The following PARD3 variants were observed in gnomAD, a reference collection of about 807,000 sequenced individuals.
PARD3 encodes partitioning defective 3 homolog.
Under a neutral mutation model 155.4 loss-of-function variants are expected in PARD3, and 75 were observed. The ratio of observed to expected loss-of-function variants is 0.48; its 90% confidence interval spans 0.40 to 0.58. The LOEUF is 0.58. Ranked by LOEUF, PARD3 falls within the 20% of genes least tolerant of loss-of-function variation. PARD3 has a pLI of 0.00. For missense variants in PARD3, 1,642 were observed against 1,721.7 expected, an observed-to-expected ratio of 0.95 and a Z score of 0.82; for synonymous variants, 576 against 610.5, an observed-to-expected ratio of 0.94 and a Z score of 0.83.
At chr10:34,517,241 C>A in intron 2 of PARD3, 82 bp from the exon 3 acceptor site, 1 of 1,280,796 alleles carries the variant, frequency 7.8e-7, no homozygotes, top group Non-Finnish European at 1.1e-6. Flanking sequence ...TGACATAATT[C>A]TACAGTGCAA....
intron 23 of PARD3, 76 bp from the exon 24 acceptor site, chr10:34,119,816 GATT>G (rs1946887884): frequency 4.6e-6 from 6 of 1,292,954 alleles, no homozygotes; most frequent in South Asian, 1.9e-5. Flanking sequence ...ACTCCATTTC[GATT>G]CTTATGAATT....
chr10:34,733,682 G>C (rs2094858876), intron 1 of PARD3, among the ~76,000 whole-genome samples: 1 of 152,070 alleles, frequency 6.6e-6, no homozygotes, highest in African/African-American at 2.4e-5. Flanking sequence ...CGGGGTTTGA[G>C]ATCTGTGGGG....
chr10:34,749,554 TTAAATCC>T (rs1261648278), intron 1 of PARD3, among the ~76,000 whole-genome samples: 2 of 151,988 alleles, frequency 1.3e-5, no homozygotes, highest in Non-Finnish European at 2.9e-5. Flanking sequence ...AATGTTAAGT[TTAAATCC>T]CTAGGAAATA....
chr10:34,779,343 C>A (rs1221888141), intron 1 of PARD3, among the ~76,000 whole-genome samples: 1 of 151,248 alleles, frequency 6.6e-6, no homozygotes, highest in African/African-American at 2.4e-5. Context: ...GGCGCGGTGG[C>A]TCACGCCTGT....
chr10:34,395,287 G>C (rs946073719), intron 7 of PARD3, among the ~76,000 whole-genome samples: 1 of 152,054 alleles, frequency 6.6e-6, no homozygotes, highest in African/African-American at 2.4e-5. Context: ...CACCTGCCTA[G>C]ACCTCCCAAA....
At chr10:34,390,593 C>T (rs925791374) in intron 7 of PARD3, among the ~76,000 whole-genome samples, 6 of 152,110 alleles carry the variant, frequency 3.9e-5, no homozygotes, top group Admixed American at 1.3e-4. Context: ...GGCCACACTA[C>T]GTAAAAAATA....
chr10:34,682,923 T>C (rs1286102333), intron 2 of PARD3, among the ~76,000 whole-genome samples: 1 of 152,164 alleles, frequency 6.6e-6, no homozygotes, highest in Non-Finnish European at 1.5e-5. Flanking sequence ...ATTAAAAGAA[T>C]GAAGAGCCTA....
At chr10:34,338,509 T>C (rs889264479) in intron 16 of PARD3, among the ~76,000 whole-genome samples, 1 of 152,178 alleles carries the variant, frequency 6.6e-6, no homozygotes, top group African/African-American at 2.4e-5. Flanking sequence ...CTGAGCACAC[T>C]AAAAATGCCC....
At chr10:34,312,846 T>C (rs1589143019) in intron 20 of PARD3, among the ~76,000 whole-genome samples, 1 of 152,176 alleles carries the variant, frequency 6.6e-6, no homozygotes, top group Non-Finnish European at 1.5e-5. Context: ...TTCTATGATA[T>C]TCAAACGATA....
chr10:34,124,168 A>C (rs1381421089), intron 23 of PARD3, among the ~76,000 whole-genome samples: 1 of 152,214 alleles, frequency 6.6e-6, no homozygotes, highest in Non-Finnish European at 1.5e-5. Flanking sequence ...AAAAATCTGC[A>C]AAATTTTGTA....
chr10:34,798,237 G>A (rs1842493622), intron 1 of PARD3, among the ~76,000 whole-genome samples: 1 of 152,100 alleles, frequency 6.6e-6, no homozygotes, highest in Non-Finnish European at 1.5e-5. Context: ...GCTGAGGCAG[G>A]AAGATTACCA....
chr10:34,176,009 AG>A (rs1174671580), intron 22 of PARD3, among the ~76,000 whole-genome samples: 2 of 152,220 alleles, frequency 1.3e-5, no homozygotes, highest in African/African-American at 4.8e-5. Context: ...ATTCACAAAT[AG>A]ATAAATTAGT....
At chr10:34,760,535 G>A (rs1478592323) in intron 1 of PARD3, among the ~76,000 whole-genome samples, 1 of 152,044 alleles carries the variant, frequency 6.6e-6, no homozygotes, top group East Asian at 1.9e-4. Flanking sequence ...GTTTCACCTT[G>A]TTGGCCAGGC....
intron 5 of PARD3, among the ~76,000 whole-genome samples, chr10:34,412,911 C>T (rs1455579024): frequency 6.6e-6 from 1 of 151,874 alleles, no homozygotes; most frequent in Non-Finnish European, 1.5e-5. Flanking sequence ...ATAGAAAATA[C>T]AGAAGACATT....
intron 2 of PARD3, among the ~76,000 whole-genome samples, chr10:34,532,349 C>A (rs1180682352): frequency 6.6e-6 from 1 of 152,120 alleles, no homozygotes; most frequent in Non-Finnish European, 1.5e-5. Flanking sequence ...TGCATATGTA[C>A]ACCCAAGCAG....
In PARD3 at chr10:34,516,975, T is replaced by C; in HGVS notation, c.403+4A>G. On this transcript the variant is annotated splice_donor_region_variant and intron_variant, in intron 3 of 24. Transcript: ENST00000374788. Reference sequence around the variant, plus strand: ...ATGGAAGAGAAGAAAGAGCTTTCACTTACTTGCTCGAAGGACTGAAGGTGT... The same window carrying C: ...ATGGAAGAGAAGAAAGAGCTTTCACCTACTTGCTCGAAGGACTGAAGGTGT... The C allele has an allele frequency of 6.2e-7, 1 of 1,612,672 alleles. No homozygotes were observed. Among genetic ancestry groups the C allele is most frequent in the Non-Finnish European group, 8.5e-7 (1 of 1,178,924 alleles).
intron 2 of PARD3, among the ~76,000 whole-genome samples, chr10:34,524,351 C>T (rs992379644): frequency 2.6e-5 from 4 of 152,164 alleles, no homozygotes; most frequent in African/African-American, 9.7e-5. Flanking sequence ...ACACTCATGC[C>T]TAATAGAGAT....
At chr10:34,510,553 A>G (rs1265990501) in intron 3 of PARD3, among the ~76,000 whole-genome samples, 2 of 152,210 alleles carry the variant, frequency 1.3e-5, no homozygotes, top group Non-Finnish European at 2.9e-5. Context: ...AAATAAGATG[A>G]CCAATAAAAA....
At chr10:34,754,493 T>G (rs1836464059) in intron 1 of PARD3, among the ~76,000 whole-genome samples, 1 of 152,264 alleles carries the variant, frequency 6.6e-6, no homozygotes, top group Non-Finnish European at 1.5e-5. Flanking sequence ...ATTTTACATT[T>G]ACCTATCGTG....
Sources: allele counts gnomAD v4.1 joint callset (sites outside exome capture counted in the v4.1 genomes callset), GRCh38; gene constraint gnomAD v4.1.1; transcripts MANE v1.5; gene names NCBI Gene and HGNC (gene_info 2026-07-23, HGNC 2026-07-21).